Variants in PIK3R1 observed in about 807,000 individuals in gnomAD.
PIK3R1 encodes phosphoinositide-3-kinase regulatory subunit 1, also known as phosphatidylinositol 3-kinase regulatory subunit alpha.
A neutral mutation model predicts 98.0 loss-of-function variants in PIK3R1; 29 were observed. That is an observed-to-expected ratio of 0.30 (90% confidence interval 0.22 to 0.40). The LOEUF (loss-of-function observed/expected upper bound fraction) is 0.40, where lower values mean the gene tolerates loss of function less well. Ranked by LOEUF, PIK3R1 falls within the 10% of genes least tolerant of loss-of-function variation. PIK3R1 has a pLI of 1.00. For missense variants in PIK3R1, 596 were observed against 872.7 expected (o/e 0.68, Z 3.99); for synonymous variants, 282 against 311.8 (o/e 0.90, Z 1.01).
chr5:68,279,580 T>C (rs1561288393), intron 4 of PIK3R1, 22 bp from the exon 5 acceptor site: 1 of 1,604,496 alleles, frequency 6.2e-7, no homozygotes, highest in Non-Finnish European at 8.5e-7. Context: ...ATGTCTGAAA[T>C]ATTTCTTAAA....
intron 2 of PIK3R1, among the ~76,000 whole-genome samples, chr5:68,244,072 C>G (rs1452326382): frequency 6.6e-6 from 1 of 152,164 alleles, no homozygotes; most frequent in African/African-American, 2.4e-5. Flanking sequence ...ATATAAGCAG[C>G]AATATATGTT....
chr5:68,236,406 C>A (rs1310470696), intron 2 of PIK3R1, among the ~76,000 whole-genome samples: 1 of 151,202 alleles, frequency 6.6e-6, no homozygotes, highest in African/African-American at 2.4e-5. Context: ...CCTGCCACCA[C>A]GCCCGTCTAA....
chr5:68,285,646 G>C (rs1421813122), intron 7 of PIK3R1, among the ~76,000 whole-genome samples: 1 of 152,230 alleles, frequency 6.6e-6, no homozygotes, highest in East Asian at 1.9e-4. Flanking sequence ...TGTTTTCACA[G>C]TGCAGATGTC....
At chr5:68,249,456 G>T (rs1222298356) in intron 2 of PIK3R1, among the ~76,000 whole-genome samples, 1 of 152,066 alleles carries the variant, frequency 6.6e-6, no homozygotes, top group African/African-American at 2.4e-5. Flanking sequence ...ATACTGCCTG[G>T]ACATATTATC....
chr5:68,255,537 A>G (rs1397667567), intron 2 of PIK3R1, among the ~76,000 whole-genome samples: 1 of 152,176 alleles, frequency 6.6e-6, no homozygotes, highest in Non-Finnish European at 1.5e-5. Context: ...TGGGGGGGAA[A>G]TGAGTTAGTG....
intron 4 of PIK3R1, among the ~76,000 whole-genome samples, chr5:68,278,905 T>G (rs1414934100): frequency 1.3e-5 from 2 of 152,114 alleles, no homozygotes; most frequent in South Asian, 4.1e-4. Flanking sequence ...ACACCAGAGA[T>G]GCACTCCAGC....
chr5:68,218,559 A>G (rs1042900453), intron 1 of PIK3R1, among the ~76,000 whole-genome samples: 7 of 152,210 alleles, frequency 4.6e-5, no homozygotes, highest in Non-Finnish European at 1.0e-4. Context: ...GATTTGCAAA[A>G]TACATGTTTT....
chr5:68,226,539 A>G lies in PIK3R1; in HGVS notation c.-137A>G, dbSNP rs780128476. ...GTCACCTCTCCTCTTAAACCTTTGG[A>G]GAGTGGTCCTTTGTCCTCTGCTGGA... On this transcript the variant is annotated 5_prime_UTR_variant, in exon 2 of 16. Coordinates refer to ENST00000521381, the MANE Select transcript of PIK3R1 (RefSeq NM_181523.3). The G allele has an allele frequency of 3.0e-4, 205 of 679,060 alleles. No individual in the cohort carries two copies. The highest frequency in any genetic ancestry group is 4.7e-4 in the Non-Finnish European group (188 of 403,082). The allele number at this position is 679,060 out of a possible 1,614,324, so 42.1% of individuals were successfully genotyped here.
chr5:68,296,072 C>A, intron 14 of PIK3R1, 99 bp from the exon 15 acceptor site: 2 of 1,167,382 alleles, frequency 1.7e-6, no homozygotes, highest in Non-Finnish European at 1.2e-6. Context: ...TTGGTAGGGG[C>A]CAGGAGGGAA....
chr5:68,235,777 C>T (rs1165112973), intron 2 of PIK3R1, among the ~76,000 whole-genome samples: 7 of 152,214 alleles, frequency 4.6e-5, no homozygotes. Context: ...TTGTCTTACA[C>T]TTCCCTGTGG....
rs753303456 is a variant in PIK3R1, at chr5:68,295,496, G to T, written c.1814+8G>T. 17 of 1,610,890 alleles carry T rather than the reference G, an allele frequency of 1.1e-5. No homozygotes were observed. Among genetic ancestry groups the T allele is most frequent in the Non-Finnish European group, 1.4e-5 (17 of 1,177,252 alleles). ...CAATGAAAACACTGAAGAGTAAGTAGTTACTAAAGATGGTGATAGCAGAAG... is the reference window on the plus strand; with the variant it reads ...CAATGAAAACACTGAAGAGTAAGTATTTACTAAAGATGGTGATAGCAGAAG... On this transcript the variant is annotated splice_region_variant and intron_variant, in intron 14 of 15. Transcript: ENST00000521381.
intron 7 of PIK3R1, among the ~76,000 whole-genome samples, chr5:68,283,771 G>C (rs903374358): frequency 6.6e-6 from 1 of 152,158 alleles, no homozygotes; most frequent in Non-Finnish European, 1.5e-5. Context: ...CCCAAACCGG[G>C]TCTGCCCAGG....
chr5:68,216,411 C>T (rs1342560463), intron 1 of PIK3R1, among the ~76,000 whole-genome samples: 1 of 152,210 alleles, frequency 6.6e-6, no homozygotes, highest in African/African-American at 2.4e-5. Flanking sequence ...CGTGGCCCTC[C>T]AGCTGCAGCC....
At chr5:68,257,439 C>G (rs1283343487) in intron 2 of PIK3R1, among the ~76,000 whole-genome samples, 1 of 151,854 alleles carries the variant, frequency 6.6e-6, no homozygotes, top group African/African-American at 2.4e-5. Context: ...TTCTTTTTAC[C>G]CCTTTGGCTG....
chr5:68,245,405 A>G (rs569280767), intron 2 of PIK3R1, among the ~76,000 whole-genome samples: 2 of 152,220 alleles, frequency 1.3e-5, no homozygotes, highest in East Asian at 3.9e-4. Context: ...TTTGTTGCTG[A>G]TGTTATAGAA....
intron 4 of PIK3R1, among the ~76,000 whole-genome samples, chr5:68,275,016 C>T (rs773593172): frequency 6.6e-6 from 1 of 152,172 alleles, no homozygotes; most frequent in African/African-American, 2.4e-5. Flanking sequence ...GAGGCAGTTT[C>T]AAAATGAGGC....
At chr5:68,219,772 C>T (rs1257847473) in intron 1 of PIK3R1, among the ~76,000 whole-genome samples, 1 of 152,200 alleles carries the variant, frequency 6.6e-6, no homozygotes, top group East Asian at 1.9e-4. Flanking sequence ...GAAAATCCCT[C>T]ATAAATGTTT....
intron 1 of PIK3R1, among the ~76,000 whole-genome samples, chr5:68,220,815 A>C (rs1159165153): frequency 6.6e-6 from 1 of 152,168 alleles, no homozygotes; most frequent in Non-Finnish European, 1.5e-5. Context: ...CATTATTTTC[A>C]TTTTATTTTA....
At chr5:68,259,702 A>G (rs1745661722) in intron 2 of PIK3R1, among the ~76,000 whole-genome samples, 1 of 152,114 alleles carries the variant, frequency 6.6e-6, no homozygotes, top group South Asian at 2.1e-4. Context: ...TGGCTAGAGA[A>G]CTCTTTTTCT....
Sources: gnomAD v4.1 joint callset for allele counts (sites outside exome capture counted in the v4.1 genomes callset) on GRCh38, gnomAD v4.1.1 for gene constraint, MANE v1.5 for transcripts, NCBI Gene and HGNC (gene_info 2026-07-23, HGNC 2026-07-21) for gene names.